Variants in TMEM135 observed in about 807,000 individuals in gnomAD.
The protein encoded by TMEM135 is peroxisomal membrane protein 52.
TMEM135 carries 30 observed loss-of-function variants against 60.3 expected under a neutral mutation model. That is an observed-to-expected ratio of 0.50 (90% CI 0.37 to 0.68). TMEM135 has a LOEUF of 0.68. TMEM135 is among the 30% of genes least tolerant of loss of function. The probability of loss-of-function intolerance (pLI) is 0.00; values close to 1 mark genes in which losing one functional copy is unlikely to be tolerated. For missense variants in TMEM135, 468 were observed against 548.8 expected (o/e 0.85, Z 1.47); for synonymous variants, 190 against 186.7 (o/e 1.02, Z -0.14).
chr11:87,058,412 C>T (rs1949914262), intron 1 of TMEM135, among the ~76,000 whole-genome samples: 1 of 151,934 alleles, frequency 6.6e-6, no homozygotes, highest in South Asian at 2.1e-4. Context: ...TTGCTGCAAC[C>T]TCTGTCTCCT....
intron 6 of TMEM135, among the ~76,000 whole-genome samples, chr11:87,261,681 GCA>G (rs1174402761): frequency 1.3e-5 from 2 of 151,950 alleles, no homozygotes; most frequent in Admixed American, 1.3e-4. Flanking sequence ...GAGTGCAGTG[GCA>G]CAGTCATGAC....
At chr11:87,222,649 C>A (rs1172261419) in intron 5 of TMEM135, among the ~76,000 whole-genome samples, 1 of 145,614 alleles carries the variant, frequency 6.9e-6, no homozygotes, top group Non-Finnish European at 1.5e-5. Flanking sequence ...ATTAAAAATA[C>A]AAAAAATAGC....
At chr11:87,198,891 C>CT (rs56126239) in intron 5 of TMEM135, among the ~76,000 whole-genome samples, 9,485 of 152,082 alleles carry the variant, frequency 0.062, 405 homozygotes, top group South Asian at 0.12. Context: ...TCTTCTATGT[C>CT]TTTTTTTATT....
At chr11:87,214,690 CT>C (rs1004122445) in intron 5 of TMEM135, among the ~76,000 whole-genome samples, 1 of 152,150 alleles carries the variant, frequency 6.6e-6, no homozygotes, top group African/African-American at 2.4e-5. Flanking sequence ...CTTTTTCCCC[CT>C]ATATTACATC....
chr11:87,183,672 C>G (rs1332739878), intron 5 of TMEM135, among the ~76,000 whole-genome samples: 2 of 151,810 alleles, frequency 1.3e-5, no homozygotes, highest in Non-Finnish European at 2.9e-5. Context: ...TTTAAAAATT[C>G]TGGCCAGGTG....
At chr11:87,240,797 C>G (rs1234998980) in intron 6 of TMEM135, among the ~76,000 whole-genome samples, 1 of 152,108 alleles carries the variant, frequency 6.6e-6, no homozygotes, top group African/African-American at 2.4e-5. Flanking sequence ...ATAACTCCTT[C>G]AATCCCAACC....
chr11:87,319,520 G>A (rs994841769), intron 14 of TMEM135, 143 bp downstream of exon 14: 10 of 650,700 alleles, frequency 1.5e-5, no homozygotes, highest in Non-Finnish European at 2.7e-5. Context: ...CGTTTTTTGA[G>A]TGAGCATTAT....
intron 4 of TMEM135, chr11:87,095,499 A>G (rs1221122673): frequency 5.1e-6 from 1 of 195,764 alleles, no homozygotes; most frequent in African/African-American, 2.4e-5. Context: ...ACTATACATG[A>G]TGGGTTTCTG....
At chr11:87,057,405 A>C (rs1287116024) in intron 1 of TMEM135, among the ~76,000 whole-genome samples, 1 of 152,080 alleles carries the variant, frequency 6.6e-6, no homozygotes, top group East Asian at 1.9e-4. Flanking sequence ...AAGTTGCCCT[A>C]GTTTTTTGGC....
chr11:87,319,899 A>C (rs138341681), intron 14 of TMEM135, among the ~76,000 whole-genome samples: 55 of 152,298 alleles, frequency 3.6e-4, no homozygotes, highest in Middle Eastern at 3.4e-3. Context: ...CCTAAGTTTG[A>C]TTCCAGCTCT....
At chr11:87,220,691 G>A (rs1015082908) in intron 5 of TMEM135, among the ~76,000 whole-genome samples, 2 of 152,074 alleles carry the variant, frequency 1.3e-5, no homozygotes, top group Admixed American at 6.6e-5. Context: ...ATTTTATTTC[G>A]AGAAGACTCT....
Position 87,298,244 on chromosome 11 carries a change from A to G in TMEM135, c.551+2421A>G, listed in dbSNP as rs1226440519. ...CACAATTTAATATGAGCTCCTGACA[A>G]TATTAAACTTTGGTGAGGAAAGGAT... On this transcript the variant is annotated intron_variant, in intron 7 of 14. Coordinates refer to ENST00000305494, the MANE Select transcript of TMEM135 (RefSeq NM_022918.4). Among the ~76,000 whole-genome samples, 6 of 152,196 alleles carry G rather than the reference A, an allele frequency of 3.9e-5. No individual in the cohort carries two copies. The East Asian group carries it at 9.6e-4, about 24-fold the overall frequency.
intron 6 of TMEM135, among the ~76,000 whole-genome samples, chr11:87,290,153 T>A (rs17759461): frequency 1.4e-5 from 1 of 72,442 alleles, no homozygotes; most frequent in South Asian, 3.8e-4. Context: ...AATAAAAAAA[T>A]CTTAGAAATC....
At chr11:87,163,335 A>G (rs1334832737) in intron 5 of TMEM135, among the ~76,000 whole-genome samples, 65 of 143,526 alleles carry the variant, frequency 4.5e-4, no homozygotes, top group African/African-American at 1.5e-3. Flanking sequence ...ATGATTTCCA[A>G]TTTCATCCAT....
chr11:87,270,681 C>T (rs1941846565), intron 6 of TMEM135, among the ~76,000 whole-genome samples: 1 of 152,080 alleles, frequency 6.6e-6, no homozygotes, highest in Admixed American at 6.6e-5. Flanking sequence ...TTGTAGCTCT[C>T]CTGTACTCCA....
At chr11:87,120,211 C>G (rs1194330831) in intron 4 of TMEM135, among the ~76,000 whole-genome samples, 1 of 148,326 alleles carries the variant, frequency 6.7e-6, no homozygotes, top group Non-Finnish European at 1.5e-5. Flanking sequence ...CTCCTGGGCT[C>G]AAGCCATCCT....
At chr11:87,211,667 A>G (rs1940373175) in intron 5 of TMEM135, among the ~76,000 whole-genome samples, 1 of 152,208 alleles carries the variant, frequency 6.6e-6, no homozygotes, top group East Asian at 1.9e-4. Context: ...CTGAGCCCTT[A>G]TTTATAAAAA....
intron 6 of TMEM135, among the ~76,000 whole-genome samples, chr11:87,285,579 T>C (rs1942149077): frequency 6.6e-6 from 1 of 152,118 alleles, no homozygotes; most frequent in Non-Finnish European, 1.5e-5. Flanking sequence ...TTCCACCTGT[T>C]GGGTTCATGG....
intron 4 of TMEM135, among the ~76,000 whole-genome samples, chr11:87,126,460 A>G (rs976367942): frequency 9.2e-5 from 14 of 152,002 alleles, no homozygotes; most frequent in African/African-American, 3.4e-4. Flanking sequence ...AAAAATGACT[A>G]TAATTGAAAC....
Sources: gnomAD v4.1 joint callset for allele counts (sites outside exome capture counted in the v4.1 genomes callset) on GRCh38, gnomAD v4.1.1 for gene constraint, MANE v1.5 for transcripts, NCBI Gene and HGNC (gene_info 2026-07-23, HGNC 2026-07-21) for gene names.